CHRM3: variants seen among roughly 807,000 people sequenced by gnomAD.
CHRM3 encodes the protein cholinergic receptor muscarinic 3.
In CHRM3, 11 loss-of-function variants were observed where a neutral mutation model predicts 41.8. The ratio of observed to expected loss-of-function variants is 0.26; its 90% CI spans 0.17 to 0.44. The LOEUF (loss-of-function observed/expected upper bound fraction) is 0.44. CHRM3 is among the 20% of genes least tolerant of loss of function. The pLI, the probability that CHRM3 is intolerant of heterozygous loss-of-function variation, is 1.00. For synonymous variants in CHRM3, 297 were observed against 301.4 expected, an observed-to-expected ratio of 0.99 and a Z score of 0.15; for missense variants, 571 against 745.4, an observed-to-expected ratio of 0.77 and a Z score of 2.72.
At chr1:239,587,419 A>G (rs1216002982) in intron 3 of CHRM3, among the ~76,000 whole-genome samples, 1 of 152,184 alleles carries the variant, frequency 6.6e-6, no homozygotes, top group African/African-American at 2.4e-5. Context: ...CTAGATAGAG[A>G]GTCCTCCCCT....
At chr1:239,735,709 A>C in intron 5 of CHRM3, among the ~76,000 whole-genome samples, 1 of 152,144 alleles carries the variant, frequency 6.6e-6, no homozygotes, top group South Asian at 2.1e-4. Flanking sequence ...TGGTTCAATT[A>C]GTTTTCTTCT....
intron 5 of CHRM3, among the ~76,000 whole-genome samples, chr1:239,687,248 CTTTAG>C (rs1320371414): frequency 6.6e-6 from 1 of 152,036 alleles, no homozygotes; most frequent in Non-Finnish European, 1.5e-5. Flanking sequence ...TGATTTATCA[CTTTAG>C]TTTATTTGTT....
intron 4 of CHRM3, among the ~76,000 whole-genome samples, chr1:239,650,079 A>G (rs892911987): frequency 6.6e-6 from 1 of 152,140 alleles, no homozygotes; most frequent in Admixed American, 6.5e-5. Flanking sequence ...TGGGACTCTC[A>G]TCAGGTGAAC....
rs1000380997 is a variant in CHRM3 at position 239,387,193 on chromosome 1, C to A, written c.-555C>A. On this transcript the variant is annotated 5_prime_UTR_variant, in exon 1 of 7. Transcript: ENST00000676153. This position sits in a 1 kb window ranked among gnomAD's most constrained non-coding sequence, Gnocchi z 5.1. The stretch of plus-strand genomic sequence containing the variant: ...CCGCGCACCGGGCAGGCGCGGAGAC[C>A]GGCGTGGGACAGCCACCTGGAGCGC... The A allele has an allele frequency of 1.3e-5, 2 of 152,122 alleles. No individual in the cohort carries two copies. Among genetic ancestry groups the A allele is most frequent in the African/African-American group, 4.8e-5 (2 of 41,418 alleles). The allele number at this position is 152,122 out of a possible 1,614,324, so 9.4% of individuals were successfully genotyped here.
Position 239,609,616 on chromosome 1 carries a change from A to T in CHRM3, c.-312-22608A>T, listed in dbSNP as rs553607450. On this transcript the variant is annotated intron_variant, in intron 3 of 6. Coordinates refer to ENST00000676153, the MANE Select transcript of CHRM3 (RefSeq NM_001375978.1). ...TAGCATTTTACATTTTCAGCAGCAG[A>T]TGACAATTCCAGTTGCCCCTACATC... Among the ~76,000 whole-genome samples, 15 of 152,346 alleles carry T rather than the reference A, an allele frequency of 9.8e-5. No individual in the cohort carries two copies. In the East Asian group the frequency reaches 2.9e-3, roughly 29 times the overall value.
chr1:239,403,793 G>T (rs895918232), intron 1 of CHRM3, among the ~76,000 whole-genome samples: 1 of 151,846 alleles, frequency 6.6e-6, no homozygotes, highest in Admixed American at 6.6e-5. Flanking sequence ...TGGGATGTCT[G>T]CTAAAGATTC....
intron 5 of CHRM3, among the ~76,000 whole-genome samples, chr1:239,785,306 C>T (rs1363955133): frequency 6.6e-6 from 1 of 152,170 alleles, no homozygotes; most frequent in Non-Finnish European, 1.5e-5. Context: ...TATAGATCAG[C>T]TGAAATTCAT....
chr1:239,781,520 A>G (rs1489883378), intron 5 of CHRM3, among the ~76,000 whole-genome samples: 1 of 151,852 alleles, frequency 6.6e-6, no homozygotes, highest in Non-Finnish European at 1.5e-5. Context: ...TGTTTTGGGG[A>G]TTTTTTATGG....
chr1:239,604,842 T>C (rs538201437), intron 3 of CHRM3, among the ~76,000 whole-genome samples: 26 of 152,366 alleles, frequency 1.7e-4, no homozygotes, highest in African/African-American at 6.3e-4. Flanking sequence ...ACTTCTATAC[T>C]TTTTGAAGAT....
chr1:239,761,678 T>A (rs532435042), intron 5 of CHRM3, among the ~76,000 whole-genome samples: 2 of 152,262 alleles, frequency 1.3e-5, no homozygotes, highest in Non-Finnish European at 2.9e-5. Flanking sequence ...CTAGGGGGCC[T>A]TTTCACTCTG....
chr1:239,441,640 A>G (rs1286845472), intron 1 of CHRM3, among the ~76,000 whole-genome samples: 1 of 152,238 alleles, frequency 6.6e-6, no homozygotes, highest in Non-Finnish European at 1.5e-5. Flanking sequence ...GACATAGACA[A>G]TGTAAATGTT....
intron 1 of CHRM3, among the ~76,000 whole-genome samples, chr1:239,454,953 A>G (rs1664814034): frequency 6.6e-6 from 1 of 152,162 alleles, no homozygotes; most frequent in African/African-American, 2.4e-5. Flanking sequence ...TAGCACATAG[A>G]ATTATGTATA....
intron 5 of CHRM3, among the ~76,000 whole-genome samples, chr1:239,696,735 T>C (rs1660231765): frequency 6.6e-6 from 1 of 152,214 alleles, no homozygotes; most frequent in Non-Finnish European, 1.5e-5. Flanking sequence ...CAAAAATGTC[T>C]TTTATTTTCA....
chr1:239,522,899 T>C (rs10925901), intron 2 of CHRM3, among the ~76,000 whole-genome samples: 34,411 of 152,010 alleles, frequency 0.23, 4,555 homozygotes, highest in Middle Eastern at 0.41. Flanking sequence ...GCTGGCAAAA[T>C]CCTTTCTTTA....
chr1:239,602,110 G>GTATATATATA (rs1186014237), intron 3 of CHRM3, among the ~76,000 whole-genome samples: 10 of 112,856 alleles, frequency 8.9e-5, no homozygotes, highest in Admixed American at 2.7e-4. Context: ...GTGTGTGTGT[G>GTATATATATA]TATATATATA....
At chr1:239,403,607 T>G (rs756483579) in intron 1 of CHRM3, among the ~76,000 whole-genome samples, 5 of 152,058 alleles carry the variant, frequency 3.3e-5, no homozygotes, top group Non-Finnish European at 5.9e-5. Flanking sequence ...TCCTGGAAAT[T>G]ATGGTTCCTT....
At chr1:239,711,269 T>A (rs1252518159) in intron 5 of CHRM3, among the ~76,000 whole-genome samples, 1 of 152,066 alleles carries the variant, frequency 6.6e-6, no homozygotes, top group Non-Finnish European at 1.5e-5. Context: ...TGAGACTGGA[T>A]AAACTTTACT....
At chr1:239,761,849 T>C (rs574599890) in intron 5 of CHRM3, among the ~76,000 whole-genome samples, 8 of 152,312 alleles carry the variant, frequency 5.3e-5, no homozygotes, top group African/African-American at 1.4e-4. Context: ...TTTGCCACTT[T>C]CTTGTCTTTG....
intron 5 of CHRM3, chr1:239,704,046 C>A (rs969253592): frequency 4.6e-5 from 7 of 152,164 alleles, no homozygotes; most frequent in Non-Finnish European, 8.8e-5. Context: ...AGTTTTTATG[C>A]AGGTCACAAA....
Sources: allele counts gnomAD v4.1 joint callset (sites outside exome capture counted in the v4.1 genomes callset), GRCh38; gene constraint gnomAD v4.1.1; non-coding constraint Gnocchi (gnomAD v3.1); transcripts MANE v1.5; gene names NCBI Gene and HGNC (gene_info 2026-07-23, HGNC 2026-07-21).